CCR2: variants seen among roughly 807,000 people sequenced by gnomAD.
The protein encoded by CCR2 is C-C motif chemokine receptor 2.
For synonymous variants in CCR2, 183 were observed against 177.1 expected (o/e 1.03, Z -0.27); for missense variants, 408 against 440.0 (o/e 0.93, Z 0.65).
chr3:46,358,173 C>G lies in CCR2; in HGVS notation c.646C>G (p.Leu216Val). 6.2e-7 allele frequency: 1 copy of G among 1,614,192 alleles called. No individual in the cohort carries two copies. Among genetic ancestry groups the G allele is most frequent in the East Asian group, 2.2e-5 (1 of 44,890 alleles). Residue 216 changes from leucine to valine, a missense_variant, in exon 2 of 2, where the codon CTC becomes GTC. By Grantham distance (32) the Leu-to-Val change is conservative (BLOSUM62 1). Coordinates refer to ENST00000445132, the MANE Select transcript of CCR2 (RefSeq NM_001123396.4). ...RNILGLVLPL[L>V]IMVICYSGIL... The stretch of plus-strand genomic sequence containing the variant: ...CATTTTGGGGCTGGTCCTGCCGCTG[C>G]TCATCATGGTCATCTGCTACTCGGG...
chr3:46,357,549 C>T lies in CCR2; in HGVS notation c.22C>T (p.Arg8Trp), dbSNP rs1355689842. The change falls in exon 2 of 2, where the codon CGG becomes TGG. Residue 8 changes from arginine to tryptophan, a missense_variant. By Grantham distance (101) the Arg-to-Trp change is moderately radical. Coordinates refer to ENST00000445132, the MANE Select transcript of CCR2 (RefSeq NM_001123396.4). MLSTSRS[R>W]FIRNTNESGE... ...CAACATGCTGTCCACATCTCGTTCT[C>T]GGTTTATCAGAAATACCAACGAGAG... is the stretch of plus-strand genomic sequence containing the variant. The T allele has an allele frequency of 3.1e-6, 5 of 1,613,932 alleles. No homozygotes were observed. The highest frequency in any genetic ancestry group is 1.3e-5 in the African/African-American group (1 of 75,010).
intron 1 of CCR2, among the ~76,000 whole-genome samples, chr3:46,355,941 G>A (rs1446482719): frequency 6.6e-6 from 1 of 152,232 alleles, no homozygotes; most frequent in African/African-American, 2.4e-5. Context: ...ATTTTCAGAA[G>A]GAGAAGCAAC....
chr3:46,356,950 A>G (rs896592555), intron 1 of CCR2, among the ~76,000 whole-genome samples: 2 of 151,414 alleles, frequency 1.3e-5, no homozygotes, highest in African/African-American at 2.4e-5. Context: ...CAGAAGGTGA[A>G]TAGTTCAAGG....
chr3:46,357,815 A>G lies in CCR2; in HGVS notation c.288A>G (p.Pro96=). 1.2e-6 allele frequency: 2 copies of G among 1,614,026 alleles called. No homozygotes were observed. The highest frequency in any genetic ancestry group is 1.7e-6 in the Non-Finnish European group (2 of 1,179,986). ...ATCTGCTTTTTCTTATTACTCTCCC[A>G]TTGTGGGCTCACTCTGCTGCAAATG... is the stretch of plus-strand genomic sequence containing the variant. ...ISDLLFLITL[P]LWAHSAANEW... Residue 96 remains proline (P), a synonymous_variant, in exon 2 of 2, where the codon CCA becomes CCG. Transcript: ENST00000445132.
chr3:46,356,985 A>G (rs898118539), intron 1 of CCR2, among the ~76,000 whole-genome samples: 1 of 151,702 alleles, frequency 6.6e-6, no homozygotes, highest in Non-Finnish European at 1.5e-5. Flanking sequence ...CAGTGATAAT[A>G]GGATTCTGCC....
At position 46,357,657 on chromosome 3, in the gene CCR2, C is replaced by T. The variant is rs761015332; in HGVS notation, c.130C>T (p.Leu44Phe). The T allele has an allele frequency of 6.2e-7, 1 of 1,614,138 alleles. No homozygotes were observed. ...TGACGTGAAGCAAATTGGGGCCCAACTCCTGCCTCCGCTCTACTCGCTGGT... is the reference window on the plus strand; with the variant it reads ...TGACGTGAAGCAAATTGGGGCCCAATTCCTGCCTCCGCTCTACTCGCTGGT... The part of the protein sequence containing the change: ...KFDVKQIGAQ[L>F]LPPLYSLVFI... Residue 44 changes from leucine to phenylalanine, a missense_variant, in exon 2 of 2, where the codon CTC (leucine) becomes TTC (phenylalanine). Physicochemically the swap from Leu to Phe is conservative, Grantham distance 22. Transcript: ENST00000445132.
rs1701517899 is a variant in CCR2, at chr3:46,359,671, C to T, written c.*1061C>T. 2 of 1,606,684 alleles carry T rather than the reference C, an allele frequency of 1.2e-6. No individual in the cohort carries two copies. The highest frequency in any genetic ancestry group is 1.7e-6 in the Non-Finnish European group (2 of 1,177,962). On this transcript the variant is annotated 3_prime_UTR_variant, in exon 2 of 2. Coordinates refer to ENST00000445132, the MANE Select transcript of CCR2 (RefSeq NM_001123396.4). The stretch of plus-strand genomic sequence containing the variant: ...CACTCCCCTCACTCTTCTCTTTTCC[C>T]CACAGCCTTTTTCACATAGCTCTTG...
rs1701540389 is a variant in CCR2, at chr3:46,360,923, T to A, written c.*2313T>A. On this transcript the variant is annotated 3_prime_UTR_variant, in exon 2 of 2. Transcript: ENST00000445132. ...TAAATCAATGCTATAACTATGTTGATAAAAGATTTAAAAACAACTGGCTGT... is the reference window on the plus strand; with the variant it reads ...TAAATCAATGCTATAACTATGTTGAAAAAAGATTTAAAAACAACTGGCTGT... 1 of 152,374 alleles carries A rather than the reference T, an allele frequency of 6.6e-6. No individual in the cohort carries two copies. The highest frequency in any genetic ancestry group is 1.5e-5 in the Non-Finnish European group (1 of 68,040). The allele number at this position is 152,374 out of a possible 1,614,324, so 9.4% of individuals were successfully genotyped here.
intron 1 of CCR2, 75 bp from the exon 2 acceptor site, chr3:46,357,401 TG>T: frequency 9.9e-7 from 1 of 1,008,334 alleles, no homozygotes; most frequent in Non-Finnish European, 1.5e-6. Context: ...GTTGCTTATG[TG>T]GTGCCAGACT....
At position 46,360,885 on chromosome 3, in the gene CCR2, A is replaced by G. The variant is rs185882430; in HGVS notation, c.*2275A>G. ...AATGTAAATACTGTTTTTAACAACTATGATTTGGAAAATAAATCAATGCTA... is the reference window on the plus strand; with the variant it reads ...AATGTAAATACTGTTTTTAACAACTGTGATTTGGAAAATAAATCAATGCTA... On this transcript the variant is annotated 3_prime_UTR_variant, in exon 2 of 2. Transcript: ENST00000445132. 4.6e-5 allele frequency: 7 copies of G among 152,392 alleles called. No individual in the cohort carries two copies. In the East Asian group the frequency reaches 1.3e-3, roughly 29 times the overall value. The allele number at this position is 152,392 out of a possible 1,614,324, so 9.4% of individuals were successfully genotyped here. A position where few individuals can be genotyped will look rare whatever the true frequency, so the allele number is the denominator to read the frequency against.
chr3:46,358,238 G>A lies in CCR2; in HGVS notation c.711G>A (p.Lys237=), dbSNP rs1440465392. 2.5e-6 allele frequency: 4 copies of A among 1,614,074 alleles called. No individual in the cohort carries two copies. The highest frequency in any genetic ancestry group is 3.4e-6 in the Non-Finnish European group (4 of 1,180,034). The change falls in exon 2 of 2, where the codon AAG becomes AAA. Residue 237 remains lysine, a synonymous_variant. Coordinates refer to ENST00000445132, the MANE Select transcript of CCR2 (RefSeq NM_001123396.4). ...TGCTTCGGTGTCGAAACGAGAAGAA[G>A]AGGCATAGGGCAGTGAGAGTCATCT... ...KTLLRCRNEK[K]RHRAVRVIFT...
intron 1 of CCR2, among the ~76,000 whole-genome samples, chr3:46,356,364 C>T (rs1016231399): frequency 5.3e-5 from 8 of 152,024 alleles, no homozygotes; most frequent in Non-Finnish European, 1.0e-4. Flanking sequence ...AAGGTGTGGG[C>T]ACGGGGAGGA....
In CCR2 at chr3:46,360,558, T is replaced by C. The variant is rs1315569127; in HGVS notation, c.*1948T>C. 1 of 152,234 alleles carries C rather than the reference T, an allele frequency of 6.6e-6. No homozygotes were observed. Among genetic ancestry groups the C allele is most frequent in the Non-Finnish European group, 1.5e-5 (1 of 68,048 alleles). 9.4% of individuals were successfully genotyped at this position (152,234 alleles called of 1,614,324 possible). ...TTCTAATCAAAGCTTTTAAACCCTATTGGTAAAGAATGGAAGGTGGAGAAG... is the reference window on the plus strand; with the variant it reads ...TTCTAATCAAAGCTTTTAAACCCTACTGGTAAAGAATGGAAGGTGGAGAAG... On this transcript the variant is annotated 3_prime_UTR_variant, in exon 2 of 2. Transcript: ENST00000445132.
chr3:46,358,643 G>A lies in CCR2; in HGVS notation c.*33G>A. The A allele has an allele frequency of 1.3e-6, 2 of 1,541,902 alleles. No homozygotes were observed. The highest frequency in any genetic ancestry group is 1.8e-6 in the Non-Finnish European group (2 of 1,141,560). On this transcript the variant is annotated 3_prime_UTR_variant, in exon 2 of 2. Transcript: ENST00000445132. ...AGCAGTTTGATTGTTGTTTATAAAG[G>A]GAGATAACAATCTGTATATAACAAC...
intron 1 of CCR2, among the ~76,000 whole-genome samples, chr3:46,357,075 G>A (rs906537076): frequency 1.5e-4 from 23 of 152,222 alleles, no homozygotes; most frequent in African/African-American, 5.5e-4. Flanking sequence ...GGAGGGGCAG[G>A]TGGAGGGTTC....
Position 46,357,902 on chromosome 3 carries a change from TG to T in CCR2, c.377del (p.Gly126AlafsTer9). Reference sequence around the variant, plus strand: ...CAGGGCTGTATCACATCGGTTATTTTGGCGGAATCTTCTTCATCATCCTCCT... The same window carrying T: ...CAGGGCTGTATCACATCGGTTATTTTGCGGAATCTTCTTCATCATCCTCCT... ...FTGLYHIGYF[G>X]GIFFIILLTI... On this transcript the variant is annotated frameshift_variant, in exon 2 of 2. Transcript: ENST00000445132. LOFTEE classifies it low-confidence loss of function (END_TRUNC). 1 of 1,614,214 alleles carries T rather than the reference TG, an allele frequency of 6.2e-7. No individual in the cohort carries two copies.
rs1356413739 is a variant in CCR2, at chr3:46,358,937, C to G, written c.*327C>G. 2 of 1,076,496 alleles carry G rather than the reference C, an allele frequency of 1.9e-6. No individual in the cohort carries two copies. The highest frequency in any genetic ancestry group is 2.3e-6 in the Non-Finnish European group (2 of 876,682). 66.7% of individuals were successfully genotyped at this position (1,076,496 alleles called of 1,614,324 possible). On this transcript the variant is annotated 3_prime_UTR_variant, in exon 2 of 2. Coordinates refer to ENST00000445132, the MANE Select transcript of CCR2 (RefSeq NM_001123396.4). ...TCTGATTCTGTCAATGTCTTGAAATCAAGGGCCAGCTGGAGGTGAAGAAGA... is the reference window on the plus strand; with the variant it reads ...TCTGATTCTGTCAATGTCTTGAAATGAAGGGCCAGCTGGAGGTGAAGAAGA...
intron 1 of CCR2, among the ~76,000 whole-genome samples, chr3:46,356,413 G>A (rs1171512332): frequency 6.6e-6 from 1 of 152,182 alleles, no homozygotes; most frequent in African/African-American, 2.4e-5. Flanking sequence ...CGGTAGCACA[G>A]CCCCTCCCAT....
chr3:46,357,836 A>G lies in CCR2; in HGVS notation c.309A>G (p.Ala103=). The change falls in exon 2 of 2, where the codon GCA becomes GCG. Residue 103 remains alanine (A), a synonymous_variant. Coordinates refer to ENST00000445132, the MANE Select transcript of CCR2 (RefSeq NM_001123396.4). Reference sequence around the variant, plus strand: ...TCCCATTGTGGGCTCACTCTGCTGCAAATGAGTGGGTCTTTGGGAATGCAA... The same window carrying G: ...TCCCATTGTGGGCTCACTCTGCTGCGAATGAGTGGGTCTTTGGGAATGCAA... The part of the protein sequence containing the change: ...ITLPLWAHSA[A]NEWVFGNAMC... The G allele has an allele frequency of 6.2e-7, 1 of 1,614,242 alleles. No individual in the cohort carries two copies. Among genetic ancestry groups the G allele is most frequent in the South Asian group, 1.1e-5 (1 of 91,084 alleles).
Sources: gnomAD v4.1 joint callset for allele counts (sites outside exome capture counted in the v4.1 genomes callset) on GRCh38, gnomAD v4.1.1 for gene constraint, MANE v1.5 for transcripts, NCBI Gene and HGNC (gene_info 2026-07-23, HGNC 2026-07-21) for gene names.